CNTN4: variants seen among roughly 807,000 people sequenced by gnomAD.
CNTN4 encodes contactin 4, also known as contactin-4.
Under a neutral mutation model 122.5 loss-of-function variants are expected in CNTN4, and 77 were observed. The observed-to-expected ratio is 0.63, with a 90% CI of 0.52 to 0.76. CNTN4 has a LOEUF of 0.76. CNTN4 is among the 30% of genes least tolerant of loss of function. The pLI is 0.00. For missense variants in CNTN4, 1,256 were observed against 1,259.1 expected (o/e 1.00, Z 0.04); for synonymous variants, 512 against 447.0 (o/e 1.15, Z -1.83).
At position 2,812,283 on chromosome 3, in the gene CNTN4, A is replaced by C. The variant is rs551955736; in HGVS notation, c.359-7203A>C. Among the ~76,000 whole-genome samples, 201 of 152,358 alleles carry C rather than the reference A, an allele frequency of 1.3e-3. 1 individual carries two copies. The highest frequency in any genetic ancestry group is 2.1e-3 in the Non-Finnish European group (143 of 68,038). On this transcript the variant is annotated intron_variant, in intron 6 of 24. Coordinates refer to ENST00000418658, the MANE Select transcript of CNTN4 (RefSeq NM_175607.3). Reference sequence around the variant, plus strand: ...ACCCCTAAACTTAAAAGTTTTAAAAAGGTAGACAAATATCAATTTTACTGT... The same window carrying C: ...ACCCCTAAACTTAAAAGTTTTAAAACGGTAGACAAATATCAATTTTACTGT...
chr3:2,754,651 C>T (rs4131812), intron 6 of CNTN4, among the ~76,000 whole-genome samples: 87,748 of 151,414 alleles, frequency 0.58, 27,735 homozygotes, highest in Non-Finnish European at 0.7. Flanking sequence ...GAAAGGAGTG[C>T]TTACGTACAA....
chr3:2,831,128 CTA>C (rs2093095793), intron 7 of CNTN4, among the ~76,000 whole-genome samples: 1 of 152,108 alleles, frequency 6.6e-6, no homozygotes, highest in Non-Finnish European at 1.5e-5. Context: ...CCAGAGAAAA[CTA>C]TACATTTAGG....
intron 3 of CNTN4, among the ~76,000 whole-genome samples, chr3:2,529,138 A>G (rs550395817): frequency 6.6e-6 from 1 of 151,940 alleles, no homozygotes; most frequent in South Asian, 2.1e-4. Flanking sequence ...AAAAGCCACT[A>G]CTCTACTCTC....
At chr3:3,015,340 C>T (rs1239165227) in intron 14 of CNTN4, among the ~76,000 whole-genome samples, 1 of 149,984 alleles carries the variant, frequency 6.7e-6, no homozygotes, top group African/African-American at 2.5e-5. Flanking sequence ...AGTGGTGGAC[C>T]AGACTGTTGG....
At chr3:2,375,283 G>C (rs909936432) in intron 3 of CNTN4, among the ~76,000 whole-genome samples, 5 of 152,114 alleles carry the variant, frequency 3.3e-5, no homozygotes, top group African/African-American at 1.2e-4. Flanking sequence ...AACAAACTTT[G>C]GCTTTGCCAA....
intron 2 of CNTN4, among the ~76,000 whole-genome samples, chr3:2,312,876 C>T (rs1028382826): frequency 6.6e-6 from 1 of 151,612 alleles, no homozygotes; most frequent in African/African-American, 2.4e-5. Context: ...CTGTTCGTTG[C>T]TATGATAGGA....
At chr3:2,919,353 G>GAAAAAAAAAAAAAAAAAA (rs200119254) in intron 12 of CNTN4, among the ~76,000 whole-genome samples, 2 of 108,490 alleles carry the variant, frequency 1.8e-5, no homozygotes, top group Non-Finnish European at 1.9e-5. Flanking sequence ...CTCTGTCTCA[G>GAAAAAAAAAAAAAAAAAA]AAAAAAAAAA....
intron 2 of CNTN4, among the ~76,000 whole-genome samples, chr3:2,218,124 G>C (rs981268523): frequency 6.6e-6 from 1 of 152,128 alleles, no homozygotes; most frequent in African/African-American, 2.4e-5. Context: ...ATGTATACAG[G>C]CATGAGAGAG....
chr3:2,756,462 C>T (rs935516301), intron 6 of CNTN4, among the ~76,000 whole-genome samples: 1 of 152,204 alleles, frequency 6.6e-6, no homozygotes, highest in African/African-American at 2.4e-5. Context: ...CTTGGACTTC[C>T]CAGCCTCCAG....
intron 3 of CNTN4, among the ~76,000 whole-genome samples, chr3:2,532,515 ATT>A (rs2077635601): frequency 6.6e-6 from 1 of 152,184 alleles, no homozygotes; most frequent in African/African-American, 2.4e-5. Context: ...TAGACTCTGT[ATT>A]TTTGAAAATC....
intron 2 of CNTN4, among the ~76,000 whole-genome samples, chr3:2,234,097 A>G: frequency 6.6e-6 from 1 of 152,168 alleles, no homozygotes; most frequent in Non-Finnish European, 1.5e-5. Context: ...GCCATTTGAC[A>G]AGAAAACCAG....
intron 4 of CNTN4, among the ~76,000 whole-genome samples, chr3:2,670,018 T>A (rs1385698911): frequency 6.6e-6 from 1 of 152,230 alleles, no homozygotes; most frequent in African/African-American, 2.4e-5. Flanking sequence ...TCCACCTATG[T>A]GGTCAATTTT....
At chr3:2,874,459 C>T (rs2093821122) in intron 8 of CNTN4, among the ~76,000 whole-genome samples, 1 of 152,118 alleles carries the variant, frequency 6.6e-6, no homozygotes, top group African/African-American at 2.4e-5. Context: ...TGACTTGGGG[C>T]ATTCTTTTGA....
rs185109478 is a variant in CNTN4 at position 2,593,945 on chromosome 3, A to G, written c.55+22387A>G. ...TTTCAGTAAATATTGGAGCTTTGTA[A>G]GAATAACATTATTTTAACATAAATA... On this transcript the variant is annotated intron_variant, in intron 4 of 24. Coordinates refer to ENST00000418658, the MANE Select transcript of CNTN4 (RefSeq NM_175607.3). Among the ~76,000 whole-genome samples, 302 of 152,300 alleles carry G rather than the reference A, an allele frequency of 2.0e-3. 1 individual carries two copies. Among genetic ancestry groups the G allele is most frequent in the African/African-American group, 6.9e-3 (288 of 41,564 alleles).
At chr3:2,117,228 C>T (rs893891087) in intron 2 of CNTN4, among the ~76,000 whole-genome samples, 2 of 152,174 alleles carry the variant, frequency 1.3e-5, no homozygotes, top group African/African-American at 4.8e-5. Flanking sequence ...AGTTAATTTG[C>T]TAGAGCTTCT....
chr3:2,178,577 A>G (rs933294340), intron 2 of CNTN4, among the ~76,000 whole-genome samples: 1 of 152,148 alleles, frequency 6.6e-6, no homozygotes, highest in African/African-American at 2.4e-5. Flanking sequence ...TCAATGTTCA[A>G]GTATGACAAT....
At chr3:2,413,144 CA>C (rs2047289248) in intron 3 of CNTN4, among the ~76,000 whole-genome samples, 1 of 152,108 alleles carries the variant, frequency 6.6e-6, no homozygotes, top group Non-Finnish European at 1.5e-5. Flanking sequence ...CTTCTCTAAC[CA>C]AAATTGTCAG....
At position 2,432,139 on chromosome 3, in the gene CNTN4, A is replaced by T. The variant is rs114740150; in HGVS notation, c.-89+92906A>T. Among the ~76,000 whole-genome samples the T allele has an allele frequency of 1.8e-3, 280 of 152,346 alleles. 3 individuals are homozygous for T. The highest frequency in any genetic ancestry group is 3.5e-3 in the Non-Finnish European group (237 of 68,036). Reference sequence around the variant, plus strand: ...GATTTACTTACGTAGAAGTGGCCCAAGTGAGTTTCAACTCACCATCACCCA... The same window carrying T: ...GATTTACTTACGTAGAAGTGGCCCATGTGAGTTTCAACTCACCATCACCCA... On this transcript the variant is annotated intron_variant, in intron 3 of 24. Coordinates refer to ENST00000418658, the MANE Select transcript of CNTN4 (RefSeq NM_175607.3).
intron 2 of CNTN4, among the ~76,000 whole-genome samples, chr3:2,248,904 A>T (rs533170265): frequency 6.6e-6 from 1 of 152,106 alleles, no homozygotes; most frequent in South Asian, 2.1e-4. Context: ...TAGGTTGTGA[A>T]TGGAAAAGGC....
Sources: allele counts gnomAD v4.1 joint callset (sites outside exome capture counted in the v4.1 genomes callset), GRCh38; gene constraint gnomAD v4.1.1; transcripts MANE v1.5; gene names NCBI Gene and HGNC (gene_info 2026-07-23, HGNC 2026-07-21).